The following MICU1 variants were observed in gnomAD, a reference collection of about 807,000 sequenced individuals.
The protein encoded by MICU1 is mitochondrial calcium uptake 1.
A neutral mutation model predicts 56.8 loss-of-function variants in MICU1; 45 were observed. The observed-to-expected ratio is 0.79, with a 90% CI of 0.62 to 1.02. The LOEUF is 1.02. Among genes scored for constraint, MICU1 ranks in the 50% least tolerant of loss-of-function variants. The pLI, the probability that MICU1 is intolerant of heterozygous loss-of-function variation, is 0.00. For synonymous variants in MICU1, 186 were observed against 195.1 expected, an observed-to-expected ratio of 0.95 and a Z score of 0.39; for missense variants, 504 against 587.1, an observed-to-expected ratio of 0.86 and a Z score of 1.46.
chr10:72,598,033 T>C (rs1170997903), intron 1 of MICU1, among the ~76,000 whole-genome samples: 3 of 152,164 alleles, frequency 2.0e-5, no homozygotes, highest in East Asian at 3.8e-4. Context: ...ACCACTGAAA[T>C]CATTCTCTGC....
intron 6 of MICU1, among the ~76,000 whole-genome samples, chr10:72,506,333 GTGGACACAAGTTCAAAGCTTAT>G (rs1867251243): frequency 1.3e-5 from 2 of 152,238 alleles, no homozygotes; most frequent in Non-Finnish European, 2.9e-5. Context: ...GGACTAAGCA[GTGGACACAAGTTCAAAGCTTAT>G]TTCAGCTCAA....
chr10:72,532,186 C>G (rs564205553), intron 5 of MICU1, among the ~76,000 whole-genome samples: 1 of 151,746 alleles, frequency 6.6e-6, no homozygotes, highest in East Asian at 1.9e-4. Flanking sequence ...GGCATGGTGG[C>G]GGGAGCCTGT....
chr10:72,534,863 A>G (rs968125009), intron 4 of MICU1, among the ~76,000 whole-genome samples: 2 of 152,050 alleles, frequency 1.3e-5, no homozygotes, highest in Non-Finnish European at 2.9e-5. Context: ...GTTAGAAACA[A>G]TTTTAATTTG....
At chr10:72,411,619 T>A (rs1448064418) in intron 9 of MICU1, among the ~76,000 whole-genome samples, 1 of 152,052 alleles carries the variant, frequency 6.6e-6, no homozygotes, top group Non-Finnish European at 1.5e-5. Flanking sequence ...TTACTTTTCT[T>A]ATTAAGGTAT....
intron 11 of MICU1, among the ~76,000 whole-genome samples, chr10:72,373,177 T>C (rs2132033017): frequency 6.6e-6 from 1 of 151,524 alleles, no homozygotes; most frequent in South Asian, 2.1e-4. Context: ...ATTTTGTTTG[T>C]TCATTTTTTT....
At chr10:72,607,853 G>C (rs761286230) in intron 1 of MICU1, among the ~76,000 whole-genome samples, 1 of 151,220 alleles carries the variant, frequency 6.6e-6, no homozygotes, top group East Asian at 1.9e-4. Flanking sequence ...ATTAACCTGT[G>C]GGGGGGGTCT....
chr10:72,455,821 A>G (rs900815630), intron 8 of MICU1, among the ~76,000 whole-genome samples: 1 of 152,182 alleles, frequency 6.6e-6, no homozygotes, highest in Non-Finnish European at 1.5e-5. Context: ...CCTGAAAAAA[A>G]AAAAGCAATC....
intron 8 of MICU1, among the ~76,000 whole-genome samples, chr10:72,450,377 T>C (rs1865257792): frequency 6.6e-6 from 1 of 151,744 alleles, no homozygotes; most frequent in Admixed American, 6.6e-5. Context: ...ATGAATCACG[T>C]AGTTAGGCGG....
chr10:72,415,308 G>A (rs1303570670), intron 9 of MICU1, among the ~76,000 whole-genome samples: 1 of 151,888 alleles, frequency 6.6e-6, no homozygotes, highest in African/African-American at 2.4e-5. Context: ...GAGTCACTGC[G>A]CCCAGCCTCT....
At chr10:72,518,628 A>G (rs1459410339) in intron 5 of MICU1, among the ~76,000 whole-genome samples, 2 of 152,180 alleles carry the variant, frequency 1.3e-5, no homozygotes, top group Non-Finnish European at 2.9e-5. Context: ...TCCTGAGGTA[A>G]GACTCTACCA....
At chr10:72,542,101 T>C (rs754183060) in intron 4 of MICU1, among the ~76,000 whole-genome samples, 4 of 152,224 alleles carry the variant, frequency 2.6e-5, no homozygotes, top group Non-Finnish European at 5.9e-5. Flanking sequence ...CATGATGTTA[T>C]AGTCTTCAAC....
At chr10:72,520,202 A>C (rs981445426) in intron 5 of MICU1, among the ~76,000 whole-genome samples, 8 of 152,174 alleles carry the variant, frequency 5.3e-5, no homozygotes, top group African/African-American at 1.4e-4. Context: ...TTAGAAAGAA[A>C]GAGAAAATTC....
chr10:72,529,656 T>C (rs2132401744), intron 5 of MICU1, among the ~76,000 whole-genome samples: 1 of 151,470 alleles, frequency 6.6e-6, no homozygotes, highest in South Asian at 2.1e-4. Flanking sequence ...AAAAAAGGGG[T>C]AAGAGAAAAT....
At chr10:72,615,854 C>G (rs1216190781) in intron 1 of MICU1, among the ~76,000 whole-genome samples, 1 of 151,996 alleles carries the variant, frequency 6.6e-6, no homozygotes, top group African/African-American at 2.4e-5. Flanking sequence ...GCCGGGCGTG[C>G]GGCATGCACC....
intron 1 of MICU1, among the ~76,000 whole-genome samples, chr10:72,569,394 C>A (rs1169658591): frequency 1.3e-5 from 2 of 150,562 alleles, no homozygotes; most frequent in African/African-American, 2.4e-5. Context: ...ACCATGATGC[C>A]TGGCTAATTT....
intron 8 of MICU1, among the ~76,000 whole-genome samples, chr10:72,426,349 C>T (rs1487019683): frequency 1.3e-5 from 2 of 151,300 alleles, no homozygotes; most frequent in Admixed American, 6.6e-5. Context: ...AGCACCAACA[C>T]GTTGCTCAAA....
At chr10:72,583,681 C>T (rs754015097) in intron 1 of MICU1, among the ~76,000 whole-genome samples, 3 of 152,144 alleles carry the variant, frequency 2.0e-5, no homozygotes, top group Non-Finnish European at 4.4e-5. Flanking sequence ...ACAATGTGTA[C>T]TGTACAACTA....
At chr10:72,621,251 A>AGATCAC in intron 1 of MICU1, among the ~76,000 whole-genome samples, 1 of 152,106 alleles carries the variant, frequency 6.6e-6, no homozygotes, top group Non-Finnish European at 1.5e-5. Flanking sequence ...TAATCCCAGC[A>AGATCAC]CTTTGGCTAG....
intron 8 of MICU1, among the ~76,000 whole-genome samples, chr10:72,451,138 C>T (rs1461124722): frequency 6.6e-6 from 1 of 150,430 alleles, no homozygotes; most frequent in Non-Finnish European, 1.5e-5. Flanking sequence ...GATTCTCCTG[C>T]CTCAGCCTCC....
Sources: gnomAD v4.1 joint callset for allele counts (sites outside exome capture counted in the v4.1 genomes callset) on GRCh38, gnomAD v4.1.1 for gene constraint, MANE v1.5 for transcripts, NCBI Gene and HGNC (gene_info 2026-07-23, HGNC 2026-07-21) for gene names.